CDH5: variants seen among roughly 807,000 people sequenced by gnomAD.
The protein encoded by CDH5 is cadherin 5, also known as cadherin-5.
A neutral mutation model predicts 62.0 loss-of-function variants in CDH5; 28 were observed. The ratio of observed to expected loss-of-function variants is 0.45; its 90% confidence interval spans 0.33 to 0.62. The LOEUF (loss-of-function observed/expected upper bound fraction) is 0.62, where lower values mean the gene tolerates loss of function less well. Among genes scored for constraint, CDH5 ranks in the 20% least tolerant of loss-of-function variants. The probability of loss-of-function intolerance (pLI) is 0.02; values close to 1 mark genes in which losing one functional copy is unlikely to be tolerated. For missense variants in CDH5, 940 were observed against 1,065.1 expected (o/e 0.88, Z 1.63); for synonymous variants, 464 against 445.8 (o/e 1.04, Z -0.52).
intron 2 of CDH5, 75 bp from the exon 3 acceptor site, chr16:66,386,732 TAC>T: frequency 7.6e-7 from 1 of 1,313,754 alleles, no homozygotes; most frequent in Non-Finnish European, 1.1e-6. Flanking sequence ...CACACCTGTG[TAC>T]ACACACTCTC....
chr16:66,400,826 G>T lies in CDH5; in HGVS notation c.1647G>T (p.Lys549Asn). 2.5e-6 allele frequency: 4 copies of T among 1,614,226 alleles called. No homozygotes were observed. Residue 549 changes from lysine to asparagine, a missense_variant, in exon 11 of 12, where the codon AAG becomes AAT. By Grantham distance (94) the Lys-to-Asn change is moderately conservative. Transcript: ENST00000341529. ...GGCAGTTTGACCGGGAGCATACCAAGGTCCACTTCCTACCCGTGGTCATCT... is the reference window on the plus strand; with the variant it reads ...GGCAGTTTGACCGGGAGCATACCAATGTCCACTTCCTACCCGTGGTCATCT... ...KYGQFDREHT[K>N]VHFLPVVISD...
intron 1 of CDH5, among the ~76,000 whole-genome samples, chr16:66,375,810 T>TAA (rs1367310959): frequency 7.5e-6 from 1 of 134,014 alleles, no homozygotes; most frequent in Non-Finnish European, 1.6e-5. Flanking sequence ...TGTTGCCGTC[T>TAA]AAAAAAAAAA....
At chr16:66,384,265 T>G (rs1596935191) in intron 2 of CDH5, among the ~76,000 whole-genome samples, 1 of 134,888 alleles carries the variant, frequency 7.4e-6, no homozygotes, top group South Asian at 2.4e-4. Flanking sequence ...TTTTTTTTTT[T>G]GTATTTTTAA....
chr16:66,395,247 C>G (rs1013669064), intron 7 of CDH5, among the ~76,000 whole-genome samples: 4 of 150,660 alleles, frequency 2.7e-5, no homozygotes, highest in Admixed American at 2.0e-4. Flanking sequence ...AAACACTTCC[C>G]TTCAAAAATA....
chr16:66,400,877 G>C lies in CDH5; in HGVS notation c.1698G>C (p.Thr566=). 6.2e-7 allele frequency: 1 copy of C among 1,614,152 alleles called. No individual in the cohort carries two copies. Among genetic ancestry groups the C allele is most frequent in the South Asian group, 1.1e-5 (1 of 91,082 alleles). The change falls in exon 11 of 12, where the codon ACG becomes ACC. Residue 566 remains threonine (T), a synonymous_variant. Coordinates refer to ENST00000341529, the MANE Select transcript of CDH5 (RefSeq NM_001795.5). ...VISDNGMPSR[T]GTSTLTVAVC... ...CAGACAATGGGATGCCAAGTCGCAC[G>C]GGCACCAGCACGCTGACCGTGGCCG...
chr16:66,388,320 G>GC lies in CDH5; in HGVS notation c.500-3dup. 1 of 1,600,798 alleles carries GC rather than the reference G, an allele frequency of 6.2e-7. No homozygotes were observed. Among genetic ancestry groups the GC allele is most frequent in the Non-Finnish European group, 8.6e-7 (1 of 1,167,876 alleles). Reference sequence around the variant, plus strand: ...TCAGCAACCCCAGGATTCTCTCTCTGCAGGGACCTCAGTCATCTCTGTGAC... The same window carrying GC: ...TCAGCAACCCCAGGATTCTCTCTCTGCCAGGGACCTCAGTCATCTCTGTGAC... On this transcript the variant is annotated splice_region_variant and splice_polypyrimidine_tract_variant and intron_variant, in intron 3 of 11. Coordinates refer to ENST00000341529, the MANE Select transcript of CDH5 (RefSeq NM_001795.5).
chr16:66,389,333 G>C, intron 4 of CDH5, 25 bp from the exon 5 acceptor site: 1 of 1,597,200 alleles, frequency 6.3e-7, no homozygotes, highest in Non-Finnish European at 8.6e-7. Flanking sequence ...TGGTAACATG[G>C]TTCCTGCTGG....
chr16:66,382,865 A>G (rs1242474813), intron 2 of CDH5, among the ~76,000 whole-genome samples: 1 of 152,228 alleles, frequency 6.6e-6, no homozygotes, highest in Non-Finnish European at 1.5e-5. Flanking sequence ...CTTTGTTTAC[A>G]GACCTGGCTG....
chr16:66,396,033 G>A (rs1961178191), intron 7 of CDH5, 26 bp from the exon 8 acceptor site: 4 of 1,609,218 alleles, frequency 2.5e-6, no homozygotes, highest in Non-Finnish European at 2.5e-6. Context: ...ACAATGGAAA[G>A]CCATGAAACT....
At position 66,402,864 on chromosome 16, in the gene CDH5, C is replaced by T. The variant is rs373238757; in HGVS notation, c.2050C>T (p.Leu684Phe). 154 of 1,606,722 alleles carry T rather than the reference C, an allele frequency of 9.6e-5. No homozygotes were observed. The highest frequency in any genetic ancestry group is 1.3e-4 in the Non-Finnish European group (149 of 1,177,620). Residue 684 changes from leucine (L) to phenylalanine (F), a missense_variant, in exon 12 of 12, where the codon CTC (leucine) becomes TTC (phenylalanine). Coordinates refer to ENST00000341529, the MANE Select transcript of CDH5 (RefSeq NM_001795.5). ...PRPALDARPS[L>F]YAQVQKPPRH... is the part of the protein sequence containing the mutation. ...GCCCGCGCTGGACGCCCGGCCTTCC[C>T]TCTATGCGCAGGTGCAGAAGCCACC...
chr16:66,389,885 A>G (rs1203316111), intron 5 of CDH5, among the ~76,000 whole-genome samples: 2 of 152,186 alleles, frequency 1.3e-5, no homozygotes, highest in East Asian at 3.9e-4. Context: ...AAATTCCCAC[A>G]AGCCAGTGAA....
intron 2 of CDH5, among the ~76,000 whole-genome samples, chr16:66,381,263 C>T (rs1194972687): frequency 6.6e-6 from 1 of 152,220 alleles, no homozygotes; most frequent in Non-Finnish European, 1.5e-5. Flanking sequence ...AATGAGGTAC[C>T]TGACCCAAGC....
chr16:66,398,994 A>G (rs1972839), intron 10 of CDH5, among the ~76,000 whole-genome samples: 58,512 of 152,052 alleles, frequency 0.38, 11,459 homozygotes, highest in East Asian at 0.52. Flanking sequence ...AGATGTGAGG[A>G]TGCAGGCAGT....
At chr16:66,375,810 TA>T (rs1367310959) in intron 1 of CDH5, among the ~76,000 whole-genome samples, 743 of 133,574 alleles carry the variant, frequency 5.6e-3, no homozygotes, top group Admixed American at 8.2e-3. Context: ...TGTTGCCGTC[TA>T]AAAAAAAAAA....
Position 66,368,056 on chromosome 16 carries a change from C to T in CDH5, c.-20+1298C>T, listed in dbSNP as rs553695704. 1.8e-3 allele frequency among the ~76,000 whole-genome samples: 277 copies of T among 152,262 alleles called. 2 individuals are homozygous for T. The highest frequency in any genetic ancestry group is 6.2e-3 in the African/African-American group (259 of 41,546). ...GAAGGGGGTGCAAGTGAGAGGACAT[C>T]GCGAGCACCTCTGGGCCTCTGCTCC... On this transcript the variant is annotated intron_variant, in intron 1 of 11. Coordinates refer to ENST00000341529, the MANE Select transcript of CDH5 (RefSeq NM_001795.5).
intron 3 of CDH5, 99 bp from the exon 4 acceptor site, chr16:66,388,225 G>C: frequency 1.3e-6 from 1 of 744,630 alleles, no homozygotes; most frequent in Non-Finnish European, 2.3e-6. Flanking sequence ...GGGGGAGGTG[G>C]GGACAGAGCA....
rs745549415 is a variant in CDH5 at position 66,403,103 on chromosome 16, G to C, written c.2289G>C (p.Trp763Cys). 1.1e-5 allele frequency: 18 copies of C among 1,613,588 alleles called. No homozygotes were observed. Among genetic ancestry groups the C allele is most frequent in the Non-Finnish European group, 1.4e-5 (17 of 1,179,950 alleles). Residue 763 changes from tryptophan to cysteine, a missense_variant, in exon 12 of 12, where the codon TGG (tryptophan) becomes TGC (cysteine). Coordinates refer to ENST00000341529, the MANE Select transcript of CDH5 (RefSeq NM_001795.5). The surrounding 1 kb of genome is among the most constrained non-coding windows in gnomAD (Gnocchi z 4.3). ...SDVDYDFLNDWGPRFKMLAEL... is the reference protein window; with the variant it reads ...SDVDYDFLNDCGPRFKMLAEL... ...TGGATTACGACTTCCTTAACGACTG[G>C]GGACCCAGGTTTAAGATGCTGGCTG...
Position 66,391,997 on chromosome 16 carries a change from T to A in CDH5, c.970-139T>A, listed in dbSNP as rs1036789299. 8 of 990,142 alleles carry A rather than the reference T, an allele frequency of 8.1e-6. No individual in the cohort carries two copies. In the African/African-American group the frequency reaches 1.3e-4, roughly 16 times the overall value. The allele number at this position is 990,142 out of a possible 1,614,324, so 61.3% of individuals were successfully genotyped here. On this transcript the variant is annotated intron_variant, in intron 6 of 11. Transcript: ENST00000341529. ...CGCTGTCTTGATGACCTCAGAAATA[T>A]CACTTGTCGAGGCCATGGGCCCCTC...
chr16:66,383,838 G>T (rs1043631829), intron 2 of CDH5, among the ~76,000 whole-genome samples: 1 of 152,032 alleles, frequency 6.6e-6, no homozygotes, highest in African/African-American at 2.4e-5. Context: ...CCGACCAAGG[G>T]GGCAATCCTC....
Sources: gnomAD v4.1 joint callset for allele counts (sites outside exome capture counted in the v4.1 genomes callset) on GRCh38, gnomAD v4.1.1 for gene constraint, Gnocchi (gnomAD v3.1) non-coding constraint, MANE v1.5 for transcripts, NCBI Gene and HGNC (gene_info 2026-07-23, HGNC 2026-07-21) for gene names.